PPIP5K2: variants seen among roughly 807,000 people sequenced by gnomAD.
PPIP5K2 encodes the protein inositol hexakisphosphate and diphosphoinositol-pentakisphosphate kinase 2.
PPIP5K2 carries 105 observed loss-of-function variants against 154.6 expected under a neutral mutation model. The ratio of observed to expected loss-of-function variants is 0.68; its 90% CI spans 0.58 to 0.80. PPIP5K2 has a LOEUF of 0.80. Ranked by LOEUF, PPIP5K2 falls within the 30% of genes least tolerant of loss-of-function variation. The pLI is 0.00. For missense variants in PPIP5K2, 992 were observed against 1,504.6 expected (o/e 0.66, Z 5.64); for synonymous variants, 480 against 490.3 (o/e 0.98, Z 0.28).
chr5:103,171,358 T>C (rs1017745585), intron 19 of PPIP5K2, among the ~76,000 whole-genome samples: 46 of 151,604 alleles, frequency 3.0e-4, no homozygotes, highest in African/African-American at 1.0e-3. Flanking sequence ...TTAAAGATGT[T>C]TTCTTTGGTT....
chr5:103,184,659 ATTCC>A lies in PPIP5K2; in HGVS notation c.3097-10_3097-7del. ...TACTCTTTTACTTCATTTATTTTGG[ATTCC>A]TTATGCAGGTTGTATCTGAAAATGC... On this transcript the variant is annotated splice_polypyrimidine_tract_variant and intron_variant, in intron 25 of 30. Transcript: ENST00000358359. 1 of 1,601,086 alleles carries A rather than the reference ATTCC, an allele frequency of 6.2e-7. No individual in the cohort carries two copies. The highest frequency in any genetic ancestry group is 1.1e-5 in the South Asian group (1 of 90,798).
At chr5:103,149,373 A>T (rs954142247) in intron 8 of PPIP5K2, 60 bp downstream of exon 8, 73 of 1,462,738 alleles carry the variant, frequency 5.0e-5, no homozygotes, top group Non-Finnish European at 1.1e-5. Flanking sequence ...TTCTTTTTTG[A>T]CTAAGACATT....
chr5:103,168,730 A>G (rs980067248), intron 19 of PPIP5K2, among the ~76,000 whole-genome samples: 10 of 151,754 alleles, frequency 6.6e-5, no homozygotes, highest in Non-Finnish European at 7.4e-5. Context: ...TGTTGTACAT[A>G]TGGGTTTGGG....
At chr5:103,125,471 A>G (rs530738584) in intron 1 of PPIP5K2, among the ~76,000 whole-genome samples, 6 of 131,804 alleles carry the variant, frequency 4.6e-5, no homozygotes, top group African/African-American at 1.2e-4. Context: ...TTTTTTTTTT[A>G]TATGACATCT....
chr5:103,145,824 G>A (rs1270714222), intron 5 of PPIP5K2, among the ~76,000 whole-genome samples: 2 of 152,104 alleles, frequency 1.3e-5, no homozygotes, highest in South Asian at 2.1e-4. Flanking sequence ...GCACAATAGG[G>A]TGACTATAGT....
intron 5 of PPIP5K2, among the ~76,000 whole-genome samples, chr5:103,145,017 G>A (rs1793508763): frequency 6.6e-6 from 1 of 151,918 alleles, no homozygotes; most frequent in African/African-American, 2.4e-5. Context: ...CATTTGACAA[G>A]GGACTAATAA....
In PPIP5K2 at chr5:103,206,354, A is replaced by G. The variant is rs1257654024; in HGVS notation, c.*4720A>G. On this transcript the variant is annotated 3_prime_UTR_variant, in exon 31 of 31. Coordinates refer to ENST00000358359, the MANE Select transcript of PPIP5K2 (RefSeq NM_001276277.3). ...TTTTTGTTCATGTCCAACACAATAA[A>G]AATTGAGGGAAGTTCTGTCCCAATC... 6.6e-6 allele frequency: 1 copy of G among 152,168 alleles called. No homozygotes were observed. Among genetic ancestry groups the G allele is most frequent in the Non-Finnish European group, 1.5e-5 (1 of 68,034 alleles). 9.4% of individuals were successfully genotyped at this position (152,168 alleles called of 1,614,324 possible).
intron 21 of PPIP5K2, among the ~76,000 whole-genome samples, chr5:103,175,567 G>A (rs1361191256): frequency 2.0e-5 from 3 of 152,112 alleles, no homozygotes; most frequent in African/African-American, 7.2e-5. Context: ...GAGAATAGTA[G>A]TAAGTATTGG....
chr5:103,193,266 A>C (rs1322429804), intron 29 of PPIP5K2, among the ~76,000 whole-genome samples: 1 of 152,096 alleles, frequency 6.6e-6, no homozygotes, highest in Non-Finnish European at 1.5e-5. Flanking sequence ...TGTATTTTAT[A>C]GAGTAACTGT....
At position 103,138,381 on chromosome 5, in the gene PPIP5K2, CAGGAG is replaced by C; in HGVS notation, c.402_406del (p.Arg135SerfsTer3). On this transcript the variant is annotated splice_acceptor_variant and coding_sequence_variant, in exon 5 of 31. Coordinates refer to ENST00000358359, the MANE Select transcript of PPIP5K2 (RefSeq NM_001276277.3). LOFTEE classifies it high-confidence loss of function. ...CAATAAGGATGTTTCCCTTTTTCTTCAGGAGAGAAGTATATAGTATTCTTCAAGCT... is the reference window on the plus strand; with the variant it reads ...CAATAAGGATGTTTCCCTTTTTCTTCAGAAGTATATAGTATTCTTCAAGCT... 6.6e-7 allele frequency: 1 copy of C among 1,520,746 alleles called. No individual in the cohort carries two copies. The highest frequency in any genetic ancestry group is 9.0e-7 in the Non-Finnish European group (1 of 1,116,174). The allele number at this position is 1,520,746 out of a possible 1,614,324, so 94.2% of individuals were successfully genotyped here.
At chr5:103,123,346 G>A (rs1554199657) in intron 1 of PPIP5K2, among the ~76,000 whole-genome samples, 1 of 152,158 alleles carries the variant, frequency 6.6e-6, no homozygotes, top group African/African-American at 2.4e-5. Flanking sequence ...TTTGAGTCTA[G>A]AGCAATTGTT....
Position 103,138,760 on chromosome 5 carries a change from A to G in PPIP5K2, c.487+291A>G, listed in dbSNP as rs568428822. Among the ~76,000 whole-genome samples the G allele has an allele frequency of 1.6e-4, 25 of 152,360 alleles. No homozygotes were observed. The South Asian group carries it at 5.2e-3, about 32-fold the overall frequency. On this transcript the variant is annotated intron_variant, in intron 5 of 30. Transcript: ENST00000358359. Reference sequence around the variant, plus strand: ...ACATACAAGTAAATGTGTATTGATTAAAGGTGAACAAGTGATTTATCTATG... The same window carrying G: ...ACATACAAGTAAATGTGTATTGATTGAAGGTGAACAAGTGATTTATCTATG...
At chr5:103,165,734 A>G (rs1018764643) in intron 17 of PPIP5K2, among the ~76,000 whole-genome samples, 1 of 152,098 alleles carries the variant, frequency 6.6e-6, no homozygotes, top group Admixed American at 6.6e-5. Flanking sequence ...ATGGGACGAG[A>G]TGATGTTGAA....
chr5:103,167,110 A>G (rs934017215), intron 17 of PPIP5K2, 69 bp from the exon 18 acceptor site: 21 of 1,168,666 alleles, frequency 1.8e-5, no homozygotes, highest in Middle Eastern at 3.2e-4. Flanking sequence ...AAAATTTTGT[A>G]TATATATATT....
rs1803788550 is a variant in PPIP5K2 at position 103,211,175 on chromosome 5, A to G, written c.*9541A>G. The G allele has an allele frequency of 6.6e-6, 1 of 152,124 alleles. No homozygotes were observed. Among genetic ancestry groups the G allele is most frequent in the Non-Finnish European group, 1.5e-5 (1 of 67,974 alleles). The allele number at this position is 152,124 out of a possible 1,614,324, so 9.4% of individuals were successfully genotyped here. ...TTACAGTCCATAATGTTGTGATTCTAAGAATATTTCATTCCTTACTGCTTT... is the reference window on the plus strand; with the variant it reads ...TTACAGTCCATAATGTTGTGATTCTGAGAATATTTCATTCCTTACTGCTTT... On this transcript the variant is annotated 3_prime_UTR_variant, in exon 31 of 31. Transcript: ENST00000358359.
At chr5:103,125,842 A>G (rs1789577323) in intron 1 of PPIP5K2, among the ~76,000 whole-genome samples, 2 of 152,228 alleles carry the variant, frequency 1.3e-5, no homozygotes, top group South Asian at 4.1e-4. Flanking sequence ...CATGTTGGCC[A>G]GACTGGTCTT....
rs1580247328 is a variant in PPIP5K2, at chr5:103,159,418, A to G, written c.1920+90A>G. On this transcript the variant is annotated intron_variant, in intron 17 of 30. Coordinates refer to ENST00000358359, the MANE Select transcript of PPIP5K2 (RefSeq NM_001276277.3). ...AAAACATACATGTAGAGCTTATTGT[A>G]TTATAAAGCAAATACACATGTTATC... 1.0e-5 allele frequency: 11 copies of G among 1,095,830 alleles called. No individual in the cohort carries two copies. In the East Asian group the frequency reaches 1.4e-4, roughly 14 times the overall value. The allele number at this position is 1,095,830 out of a possible 1,614,324, so 67.9% of individuals were successfully genotyped here. A position where few individuals can be genotyped will look rare whatever the true frequency, so the allele number is the denominator to read the frequency against.
intron 2 of PPIP5K2, among the ~76,000 whole-genome samples, chr5:103,132,137 G>A (rs1316953306): frequency 6.6e-6 from 1 of 152,114 alleles, no homozygotes; most frequent in Non-Finnish European, 1.5e-5. Flanking sequence ...GATTCCAGGA[G>A]AGTTAGCATT....
intron 17 of PPIP5K2, among the ~76,000 whole-genome samples, chr5:103,166,532 C>T (rs1403974146): frequency 6.6e-6 from 1 of 151,996 alleles, no homozygotes; most frequent in Non-Finnish European, 1.5e-5. Context: ...TCCCAGGATC[C>T]TCCATATTTT....
Sources: gnomAD v4.1 joint callset for allele counts (sites outside exome capture counted in the v4.1 genomes callset) on GRCh38, gnomAD v4.1.1 for gene constraint, MANE v1.5 for transcripts, NCBI Gene and HGNC (gene_info 2026-07-23, HGNC 2026-07-21) for gene names.